RP1: variants seen among roughly 807,000 people sequenced by gnomAD.
The protein encoded by RP1 is RP1 axonemal microtubule associated.
RP1 carries 16 observed loss-of-function variants against 14.8 expected under a neutral mutation model. That is an observed-to-expected ratio of 1.08 (90% CI 0.73 to 1.65). RP1 has a LOEUF of 1.65. Ranked by LOEUF, RP1 falls within the 40% of genes most tolerant of loss-of-function variation. The pLI is 0.00. For missense variants in RP1, 2,631 were observed against 2,535.0 expected (o/e 1.04, Z -0.81); for synonymous variants, 876 against 883.6 (o/e 0.99, Z 0.15).
In RP1 at chr8:54,626,719, A is replaced by G; in HGVS notation, c.2837A>G (p.Asn946Ser). Residue 946 changes from asparagine (N) to serine (S), a missense_variant, in exon 4 of 4, where the codon AAT (asparagine) becomes AGT (serine). Transcript: ENST00000220676. ...TGTAGAAATGAAACGAGTGTGGTAA[A>G]TTGTAGCAATAATAGTTTTTCAGGG... Reference protein sequence around the residue: ...PVCRNETSVVNCSNNSFSGND... With the variant: ...PVCRNETSVVSCSNNSFSGND... 1 of 1,614,032 alleles carries G rather than the reference A, an allele frequency of 6.2e-7. No homozygotes were observed.
chr8:54,785,301 T>A (rs1310309488), intron 24 of RP1, among the ~76,000 whole-genome samples: 1 of 152,140 alleles, frequency 6.6e-6, no homozygotes, highest in African/African-American at 2.4e-5. Context: ...TTACGTAGCA[T>A]AAAGAATGCT....
intron 1 of RP1, among the ~76,000 whole-genome samples, chr8:54,586,288 A>C (rs1487958400): frequency 3.9e-5 from 6 of 152,210 alleles, no homozygotes; most frequent in East Asian, 1.9e-4. Flanking sequence ...CCTGGGTATC[A>C]GCAGCAGAGG....
At chr8:54,648,976 C>T (rs575344588) in intron 3 of RP1, 1 of 1,487,510 alleles carries the variant, frequency 6.7e-7, no homozygotes, top group Non-Finnish European at 8.8e-7. Flanking sequence ...GTTATTTTTT[C>T]TTTTATAGGT....
exon 26 of RP1, chr8:54,852,576 G>C: frequency 8.1e-7 from 1 of 1,231,420 alleles, no homozygotes; most frequent in Non-Finnish European, 1.0e-6. Context: ...CATTTCAGTG[G>C]TGCTTTATGA....
rs1339848230 is a variant in RP1, at chr8:54,621,487, G to A, written c.521G>A (p.Arg174Lys). ...ACGAGGCGTGCGGTTCTTCTGAGCA[G>A]GAGGGTCACCCAGAGCTTCGAGGCA... The part of the protein sequence containing the change: ...PKTRRAVLLS[R>K]RVTQSFEAFL... The change falls in exon 2 of 4, where the codon AGG becomes AAG. Residue 174 changes from arginine to lysine, a missense_variant. Coordinates refer to ENST00000220676, the MANE Select transcript of RP1 (RefSeq NM_006269.2). 6.2e-7 allele frequency: 1 copy of A among 1,614,156 alleles called. No individual in the cohort carries two copies. Among genetic ancestry groups the A allele is most frequent in the Non-Finnish European group, 8.5e-7 (1 of 1,180,044 alleles).
chr8:54,842,418 G>A (rs1193940755), intron 25 of RP1, among the ~76,000 whole-genome samples: 1 of 152,190 alleles, frequency 6.6e-6, no homozygotes, highest in African/African-American at 2.4e-5. Context: ...CATTATTTCA[G>A]GACAGCAGTG....
intron 1 of RP1, among the ~76,000 whole-genome samples, chr8:54,595,900 A>G (rs1237159373): frequency 6.6e-6 from 1 of 152,212 alleles, no homozygotes; most frequent in Non-Finnish European, 1.5e-5. Flanking sequence ...TTTATTCCTG[A>G]CCATCACATT....
At chr8:54,739,431 A>G (rs1234773465) in intron 19 of RP1, among the ~76,000 whole-genome samples, 2 of 152,166 alleles carry the variant, frequency 1.3e-5, no homozygotes, top group Non-Finnish European at 2.9e-5. Flanking sequence ...CGTATTGTAA[A>G]TAATGTGAAC....
intron 24 of RP1, among the ~76,000 whole-genome samples, chr8:54,811,079 C>A (rs762722593): frequency 5.9e-5 from 9 of 152,186 alleles, no homozygotes; most frequent in Non-Finnish European, 1.2e-4. Flanking sequence ...CTGAAGCATC[C>A]TCATCTTTGC....
At chr8:54,699,254 CATTTT>C (rs936365107) in intron 12 of RP1, among the ~76,000 whole-genome samples, 20 of 151,812 alleles carry the variant, frequency 1.3e-4, no homozygotes, top group African/African-American at 4.6e-4. Flanking sequence ...TTTTTAAAAT[CATTTT>C]ATTCACATAC....
exon 18 of RP1, chr8:54,734,731 A>G (rs1184154016): frequency 6.5e-7 from 1 of 1,531,676 alleles, no homozygotes; most frequent in Non-Finnish European, 8.7e-7. Flanking sequence ...CCAGGACACG[A>G]GGATGAGTTT....
chr8:54,649,840 C>T (rs1183783546), intron 4 of RP1, among the ~76,000 whole-genome samples: 1 of 152,168 alleles, frequency 6.6e-6, no homozygotes, highest in Non-Finnish European at 1.5e-5. Context: ...CCATGTGATC[C>T]TGGGTGTTTG....
chr8:54,611,884 T>C (rs56723489), upstream of RP1, among the ~76,000 whole-genome samples: 937 of 103,938 alleles, frequency 9.0e-3, 11 homozygotes, highest in African/African-American at 0.034. Flanking sequence ...TCCCTCCCTC[T>C]CTCCCTTCCT....
At chr8:54,677,413 C>T (rs1054666802) in intron 8 of RP1, among the ~76,000 whole-genome samples, 2 of 152,024 alleles carry the variant, frequency 1.3e-5, no homozygotes, top group African/African-American at 4.8e-5. Flanking sequence ...TAAGCTGAAG[C>T]GTCTTATATG....
intron 24 of RP1, among the ~76,000 whole-genome samples, chr8:54,798,257 C>T (rs934718588): frequency 6.6e-5 from 10 of 152,138 alleles, no homozygotes; most frequent in African/African-American, 2.2e-4. Context: ...GGCGATCTGC[C>T]TGCTTCGGCC....
intron 23 of RP1, among the ~76,000 whole-genome samples, chr8:54,783,353 A>G (rs1810235456): frequency 6.6e-6 from 1 of 152,222 alleles, no homozygotes; most frequent in Non-Finnish European, 1.5e-5. Context: ...TTTTGTAGTT[A>G]AGCTACAATA....
intron 3 of RP1, among the ~76,000 whole-genome samples, chr8:54,647,595 C>G (rs1425819699): frequency 1.3e-5 from 2 of 151,992 alleles, no homozygotes; most frequent in African/African-American, 4.8e-5. Context: ...CCATTTAAGT[C>G]AGTAGTTCTT....
In RP1 at chr8:54,621,437, G is replaced by A. The variant is rs774784883; in HGVS notation, c.471G>A (p.Val157=). The A allele has an allele frequency of 2.0e-5, 33 of 1,613,634 alleles. No individual in the cohort carries two copies. Among genetic ancestry groups the A allele is most frequent in the African/African-American group, 4.0e-5 (3 of 74,870 alleles). ...PGMPRPPRSL[V]VFRNGDPKTR... is the part of the protein sequence containing the mutation. ...TGCCCCGCCCCCCACGGAGCCTAGT[G>A]GTCTTCAGGAATGGCGACCCGAAGA... The change falls in exon 2 of 4, where the codon GTG becomes GTA. Residue 157 remains valine (V), a synonymous_variant. Coordinates refer to ENST00000220676, the MANE Select transcript of RP1 (RefSeq NM_006269.2).
intron 15 of RP1, among the ~76,000 whole-genome samples, chr8:54,717,910 A>T (rs1808443720): frequency 6.6e-6 from 1 of 152,184 alleles, no homozygotes; most frequent in Admixed American, 6.5e-5. Context: ...TACGAGGCTA[A>T]TATACAAATT....
Sources: gnomAD v4.1 joint callset for allele counts (sites outside exome capture counted in the v4.1 genomes callset) on GRCh38, gnomAD v4.1.1 for gene constraint, MANE v1.5 for transcripts, NCBI Gene and HGNC (gene_info 2026-07-23, HGNC 2026-07-21) for gene names.